The following SLC35A1 variants were observed in gnomAD, a reference collection of about 807,000 sequenced individuals.
SLC35A1 encodes the protein solute carrier family 35 member A1, also known as CMP-sialic acid transporter.
SLC35A1 carries 21 observed loss-of-function variants against 40.3 expected under a neutral mutation model. The observed-to-expected ratio is 0.52, with a 90% CI of 0.37 to 0.75. The LOEUF is 0.75. Among genes scored for constraint, SLC35A1 ranks in the 30% least tolerant of loss-of-function variants. The probability of loss-of-function intolerance (pLI) is 0.00; values close to 1 mark genes in which losing one functional copy is unlikely to be tolerated. For missense variants in SLC35A1, 297 were observed against 382.1 expected, an observed-to-expected ratio of 0.78 and a Z score of 1.86; for synonymous variants, 146 against 147.3, an observed-to-expected ratio of 0.99 and a Z score of 0.06.
Position 87,511,273 on chromosome 6 carries a change from T to G in SLC35A1, c.887-126T>G. 4.9e-6 allele frequency: 5 copies of G among 1,015,164 alleles called. No homozygotes were observed. In the South Asian group the frequency reaches 6.8e-5, roughly 14 times the overall value. 62.9% of individuals were successfully genotyped at this position (1,015,164 alleles called of 1,614,324 possible). On this transcript the variant is annotated intron_variant, in intron 7 of 7. Coordinates refer to ENST00000369552, the MANE Select transcript of SLC35A1 (RefSeq NM_006416.5). ...CTGTAATGGAAGACCTTTCTAAACC[T>G]TGCCATCATAAAAATATGATCTGAT...
In SLC35A1 at chr6:87,511,428, G is replaced by T; in HGVS notation, c.916G>T (p.Val306Leu). The T allele has an allele frequency of 6.2e-7, 1 of 1,611,490 alleles. No individual in the cohort carries two copies. Among genetic ancestry groups the T allele is most frequent in the Non-Finnish European group, 8.5e-7 (1 of 1,179,096 alleles). ...CACCTTTGCCCTGGGTACTCTTCTT[G>T]TATGTGTTTCCATATATCTCTATGG... ...TLTFALGTLL[V>L]CVSIYLYGLP... is the part of the protein sequence containing the mutation. The change falls in exon 8 of 8, where the codon GTA becomes TTA. Residue 306 changes from valine (V) to leucine (L), a missense_variant. Physicochemically the swap from Val to Leu is conservative, Grantham distance 32. Transcript: ENST00000369552.
chr6:87,510,871 C>CAA (rs201786030), intron 7 of SLC35A1, among the ~76,000 whole-genome samples: 117 of 127,216 alleles, frequency 9.2e-4, no homozygotes, highest in Non-Finnish European at 1.4e-3. Context: ...AACTCCGTCT[C>CAA]AAAAAAAAAA....
chr6:87,496,779 C>CAAAAAA lies in SLC35A1; in HGVS notation c.195-3719_195-3714dup, dbSNP rs751785939. Among the ~76,000 whole-genome samples, 6 of 28,100 alleles carry CAAAAAA rather than the reference C, an allele frequency of 2.1e-4. 1 individual carries two copies. The highest frequency in any genetic ancestry group is 3.2e-4 in the African/African-American group (2 of 6,314). 18.4% of individuals were successfully genotyped at this position (28,100 alleles called of 152,430 possible). ...TGGGTGACATGGCTAGACTCCATCT[C>CAAAAAA]AAAAAAAAAAAAAAAGAAAAACCCA... On this transcript the variant is annotated intron_variant, in intron 2 of 7. Transcript: ENST00000369552.
At chr6:87,497,569 G>A (rs934072556) in intron 2 of SLC35A1, among the ~76,000 whole-genome samples, 4 of 152,176 alleles carry the variant, frequency 2.6e-5, no homozygotes, top group African/African-American at 9.7e-5. Context: ...GGGGAGAAAA[G>A]GGACCACAGC....
chr6:87,495,333 G>A (rs1360794104), intron 2 of SLC35A1, among the ~76,000 whole-genome samples: 1 of 152,216 alleles, frequency 6.6e-6, no homozygotes, highest in African/African-American at 2.4e-5. Flanking sequence ...AAATGTTAAT[G>A]TACATACACT....
intron 2 of SLC35A1, among the ~76,000 whole-genome samples, chr6:87,483,942 C>T (rs1201512837): frequency 6.6e-6 from 1 of 152,212 alleles, no homozygotes; most frequent in African/African-American, 2.4e-5. Flanking sequence ...AGGACGCACT[C>T]ACTCCATCCA....
chr6:87,491,189 G>A (rs1303186770), intron 2 of SLC35A1, among the ~76,000 whole-genome samples: 1 of 152,072 alleles, frequency 6.6e-6, no homozygotes, highest in Non-Finnish European at 1.5e-5. Flanking sequence ...TTTGATACGA[G>A]CATCCCAAAT....
At chr6:87,505,814 C>T (rs1770062378) in intron 4 of SLC35A1, among the ~76,000 whole-genome samples, 1 of 152,134 alleles carries the variant, frequency 6.6e-6, no homozygotes, top group Non-Finnish European at 1.5e-5. Flanking sequence ...CTTAAATGCC[C>T]ACCTCTTAAT....
intron 2 of SLC35A1, among the ~76,000 whole-genome samples, chr6:87,479,336 A>G (rs139835730): frequency 1.8e-4 from 27 of 152,184 alleles, no homozygotes; most frequent in African/African-American, 5.8e-4. Flanking sequence ...TGCCATTTCT[A>G]TGAGCACTTA....
intron 2 of SLC35A1, among the ~76,000 whole-genome samples, chr6:87,499,544 G>C (rs1019077279): frequency 1.3e-5 from 2 of 152,134 alleles, no homozygotes; most frequent in African/African-American, 4.8e-5. Flanking sequence ...AAAAATAATA[G>C]TTAAGAGCAT....
At position 87,477,451 on chromosome 6, in the gene SLC35A1, A is replaced by T; in HGVS notation, c.106A>T (p.Thr36Ser). The change falls in exon 2 of 8, where the codon ACA (threonine) becomes TCA (serine). Residue 36 changes from threonine to serine, a missense_variant. Coordinates refer to ENST00000369552, the MANE Select transcript of SLC35A1 (RefSeq NM_006416.5). ...VYTIALRYTR[T>S]SDKELYFSTT... ...TACCATAGCTTTAAGATACACAAGG[A>T]CATCAGACAAAGAACTCTACTTTTC... The T allele has an allele frequency of 6.2e-7, 1 of 1,613,794 alleles. No individual in the cohort carries two copies. The highest frequency in any genetic ancestry group is 8.5e-7 in the Non-Finnish European group (1 of 1,179,704).
At chr6:87,509,293 T>G in intron 7 of SLC35A1, 118 bp downstream of exon 7, 3 of 1,269,092 alleles carry the variant, frequency 2.4e-6, no homozygotes, top group Non-Finnish European at 3.4e-6. Flanking sequence ...TTCCTAGCTT[T>G]GTTACTACAG....
At chr6:87,499,910 G>A (rs1769866403) in intron 2 of SLC35A1, among the ~76,000 whole-genome samples, 1 of 152,140 alleles carries the variant, frequency 6.6e-6, no homozygotes, top group African/African-American at 2.4e-5. Flanking sequence ...GAGGTCAGGA[G>A]TTTGAAACCA....
chr6:87,502,867 G>A (rs114417135), intron 4 of SLC35A1, among the ~76,000 whole-genome samples: 134 of 152,244 alleles, frequency 8.8e-4, no homozygotes, highest in African/African-American at 3.2e-3. Context: ...TGGTTAAGTG[G>A]GTTCCAAGTG....
intron 2 of SLC35A1, among the ~76,000 whole-genome samples, chr6:87,483,908 C>T (rs2143890): frequency 0.38 from 57,631 of 151,916 alleles, 11,003 homozygotes; most frequent in Admixed American, 0.46. Flanking sequence ...CTAAGCCATA[C>T]GAGGTAGCTG....
rs993789334 is a variant in SLC35A1, at chr6:87,474,695, C to T, written c.16+1676C>T. 4.6e-5 allele frequency among the ~76,000 whole-genome samples: 7 copies of T among 152,128 alleles called. No individual in the cohort carries two copies. The South Asian group carries it at 1.0e-3, about 22-fold the overall frequency. On this transcript the variant is annotated intron_variant, in intron 1 of 7. Transcript: ENST00000369552. ...CTGATGTTAAACTGCCAGAGAAAAT[C>T]GTACTTAAAAACATTTAGTATTTAA... is the stretch of plus-strand genomic sequence containing the variant.
At chr6:87,473,054 C>CGG (rs769526855) in intron 1 of SLC35A1, 35 bp downstream of exon 1, 1 of 502,224 alleles carries the variant, frequency 2.0e-6, no homozygotes, top group Admixed American at 4.3e-5. Context: ...GGGGAGTCCG[C>CGG]GGGGGGCGGC....
chr6:87,491,686 C>G (rs1005903313), intron 2 of SLC35A1, among the ~76,000 whole-genome samples: 1 of 152,162 alleles, frequency 6.6e-6, no homozygotes, highest in Non-Finnish European at 1.5e-5. Context: ...TTATTTCTTA[C>G]ATTTTTGGAG....
intron 2 of SLC35A1, among the ~76,000 whole-genome samples, chr6:87,494,661 A>T (rs990578558): frequency 6.6e-6 from 1 of 152,006 alleles, no homozygotes; most frequent in African/African-American, 2.4e-5. Flanking sequence ...TCCTGACCTC[A>T]TGATCCGCCT....
Sources: gnomAD v4.1 joint callset for allele counts (sites outside exome capture counted in the v4.1 genomes callset) on GRCh38, gnomAD v4.1.1 for gene constraint, MANE v1.5 for transcripts, NCBI Gene and HGNC (gene_info 2026-07-23, HGNC 2026-07-21) for gene names.